CNTNAP2: variants seen among roughly 807,000 people sequenced by gnomAD.
The protein encoded by CNTNAP2 is contactin-associated protein-like 2.
A neutral mutation model predicts 155.2 loss-of-function variants in CNTNAP2; 98 were observed. The observed-to-expected ratio is 0.63, with a 90% CI of 0.54 to 0.75. CNTNAP2 has a LOEUF of 0.75. CNTNAP2 is among the 30% of genes least tolerant of loss of function. The pLI is 0.00. For missense variants in CNTNAP2, 1,727 were observed against 1,688.1 expected (o/e 1.02, Z -0.40); for synonymous variants, 651 against 631.2 (o/e 1.03, Z -0.47).
intron 1 of CNTNAP2, among the ~76,000 whole-genome samples, chr7:146,559,212 T>TAC (rs138872132): frequency 7.5e-4 from 113 of 151,536 alleles, no homozygotes; most frequent in Admixed American, 1.3e-3. Flanking sequence ...TATATATACA[T>TAC]ACACACACAC....
intron 9 of CNTNAP2, among the ~76,000 whole-genome samples, chr7:147,332,613 C>A (rs535482475): frequency 4.0e-4 from 61 of 152,162 alleles, no homozygotes; most frequent in African/African-American, 1.4e-3. Flanking sequence ...CCTGTAATCC[C>A]AGCACTTTGG....
At chr7:147,619,866 C>T (rs1373875081) in intron 12 of CNTNAP2, among the ~76,000 whole-genome samples, 1 of 152,196 alleles carries the variant, frequency 6.6e-6, no homozygotes, top group Non-Finnish European at 1.5e-5. Flanking sequence ...TACAGCAGGT[C>T]TTGGGGCAAC....
intron 3 of CNTNAP2, among the ~76,000 whole-genome samples, chr7:147,032,597 A>G (rs1799056998): frequency 6.6e-6 from 1 of 152,096 alleles, no homozygotes; most frequent in Non-Finnish European, 1.5e-5. Context: ...CTGAAATGTG[A>G]TGTGGGCAAA....
At chr7:147,059,386 A>C (rs893977750) in intron 4 of CNTNAP2, among the ~76,000 whole-genome samples, 7 of 151,992 alleles carry the variant, frequency 4.6e-5, no homozygotes, top group African/African-American at 1.7e-4. Context: ...GTTACTTAGT[A>C]AGAGTCTTGA....
chr7:147,795,089 T>A (rs1797872236), intron 13 of CNTNAP2, among the ~76,000 whole-genome samples: 1 of 151,914 alleles, frequency 6.6e-6, no homozygotes, highest in South Asian at 2.1e-4. Context: ...ATTTTGTATA[T>A]CTCCACTCTA....
chr7:147,088,359 A>G (rs998831576), intron 4 of CNTNAP2, among the ~76,000 whole-genome samples: 1 of 152,232 alleles, frequency 6.6e-6, no homozygotes, highest in African/African-American at 2.4e-5. Flanking sequence ...GAGTTTGGAA[A>G]TTGGAAAACT....
chr7:147,203,686 A>G (rs1234910016), intron 8 of CNTNAP2, among the ~76,000 whole-genome samples: 2 of 152,196 alleles, frequency 1.3e-5, no homozygotes, highest in African/African-American at 4.8e-5. Context: ...TTGCATTAAT[A>G]TTACCATGGG....
chr7:146,723,891 T>G (rs532069958), intron 1 of CNTNAP2, among the ~76,000 whole-genome samples: 7 of 152,328 alleles, frequency 4.6e-5, no homozygotes, highest in Admixed American at 4.6e-4. Context: ...GTAGTGTGCT[T>G]GCCAGATAAA....
intron 1 of CNTNAP2, among the ~76,000 whole-genome samples, chr7:146,124,538 A>G (rs1797607797): frequency 6.6e-6 from 1 of 152,206 alleles, no homozygotes; most frequent in Admixed American, 6.5e-5. Flanking sequence ...TTATTTTTAA[A>G]AATTTATTAA....
intron 1 of CNTNAP2, among the ~76,000 whole-genome samples, chr7:146,428,379 C>T (rs1796123651): frequency 6.6e-6 from 1 of 151,936 alleles, no homozygotes; most frequent in African/African-American, 2.4e-5. Context: ...AAAAGCATTC[C>T]TTTTTTTATC....
intron 13 of CNTNAP2, among the ~76,000 whole-genome samples, chr7:147,737,393 C>A (rs894092111): frequency 2.1e-4 from 32 of 152,128 alleles, no homozygotes; most frequent in African/African-American, 7.7e-4. Context: ...AGTTTCATCT[C>A]AGAGGGGTAC....
chr7:146,864,277 C>A (rs1795160173), intron 3 of CNTNAP2, among the ~76,000 whole-genome samples: 1 of 151,546 alleles, frequency 6.6e-6, no homozygotes, highest in South Asian at 2.1e-4. Context: ...GGTATTTATC[C>A]CAGGAAAGTA....
rs1798025811 is a variant in CNTNAP2 at position 146,981,913 on chromosome 7, T to G, written c.403-61994T>G. Among the ~76,000 whole-genome samples, 6 of 152,170 alleles carry G rather than the reference T, an allele frequency of 3.9e-5. No homozygotes were observed. In the South Asian group the frequency reaches 1.0e-3, roughly 26 times the overall value. On this transcript the variant is annotated intron_variant, in intron 3 of 23. Transcript: ENST00000361727. The stretch of plus-strand genomic sequence containing the variant: ...TAGGATTTGCAGAACGCATATAATC[T>G]TCGTCACAAATATTCAATTCTGCCA...
At chr7:146,774,439 T>A in intron 2 of CNTNAP2, 58 bp downstream of exon 2, 12 of 1,134,044 alleles carry the variant, frequency 1.1e-5, no homozygotes, top group Non-Finnish European at 1.6e-5. Flanking sequence ...CATGTTATAT[T>A]TATAGCCATA....
chr7:148,306,677 A>G (rs933988238), intron 21 of CNTNAP2, among the ~76,000 whole-genome samples: 37 of 152,072 alleles, frequency 2.4e-4, no homozygotes, highest in African/African-American at 8.4e-4. Flanking sequence ...GTTATCTCTC[A>G]GAAGGTATTA....
chr7:148,075,920 T>C (rs1310487574), intron 15 of CNTNAP2, among the ~76,000 whole-genome samples: 2 of 152,148 alleles, frequency 1.3e-5, no homozygotes, highest in Non-Finnish European at 2.9e-5. Context: ...AAGAGTTTGG[T>C]GATGAGTCGA....
intron 13 of CNTNAP2, among the ~76,000 whole-genome samples, chr7:147,793,688 G>GTCAAT (rs1394744829): frequency 6.6e-6 from 1 of 151,986 alleles, no homozygotes; most frequent in African/African-American, 2.4e-5. Flanking sequence ...AGATCAGCTT[G>GTCAAT]TCAATTTCTA....
intron 12 of CNTNAP2, among the ~76,000 whole-genome samples, chr7:147,622,455 A>T (rs1173338670): frequency 6.6e-6 from 1 of 152,122 alleles, no homozygotes; most frequent in Non-Finnish European, 1.5e-5. Flanking sequence ...CCACAATGGA[A>T]TAAAACTAGA....
chr7:146,442,631 A>G (rs757697488), intron 1 of CNTNAP2, among the ~76,000 whole-genome samples: 23 of 152,286 alleles, frequency 1.5e-4, no homozygotes, highest in Middle Eastern at 3.4e-3. Flanking sequence ...GAATGGGGAC[A>G]GCTTATCACA....
Sources: allele counts gnomAD v4.1 joint callset (sites outside exome capture counted in the v4.1 genomes callset), GRCh38; gene constraint gnomAD v4.1.1; transcripts MANE v1.5; gene names NCBI Gene and HGNC (gene_info 2026-07-23, HGNC 2026-07-21).